The following DST variants were observed in gnomAD, a reference collection of about 807,000 sequenced individuals.
The protein encoded by DST is bullous pemphigoid antigen.
Under a neutral mutation model 875.2 loss-of-function variants are expected in DST, and 253 were observed. That is an observed-to-expected ratio of 0.29 (90% CI 0.26 to 0.32). DST has a LOEUF of 0.32. DST is among the 10% of genes least tolerant of loss of function. The pLI, the probability that DST is intolerant of heterozygous loss-of-function variation, is 1.00. For synonymous variants in DST, 3,124 were observed against 3,197.1 expected (o/e 0.98, Z 0.77); for missense variants, 8,287 against 9,111.6 (o/e 0.91, Z 3.68).
chr6:56,927,198 T>C (rs1206387272), intron 2 of DST, among the ~76,000 whole-genome samples: 1 of 152,196 alleles, frequency 6.6e-6, no homozygotes, highest in African/African-American at 2.4e-5. Context: ...TATCTATTAG[T>C]CATTTCTGGA....
At position 56,604,604 on chromosome 6, in the gene DST, C is replaced by A. The variant is rs375945262; in HGVS notation, c.10024G>T (p.Val3342Phe). 52 of 1,611,862 alleles carry A rather than the reference C, an allele frequency of 3.2e-5. No homozygotes were observed. The highest frequency in any genetic ancestry group is 4.2e-5 in the Non-Finnish European group (50 of 1,179,028). Residue 3342 changes from valine (V) to phenylalanine (F), a missense_variant, in exon 40 of 104, where the codon GTT becomes TTT. Coordinates refer to ENST00000680361, the MANE Select transcript of DST (RefSeq NM_001374736.1). Reference sequence around the variant, plus strand: ...ACCTGAGACAATTCAGGAATCTGAACCTCCTTTTCTTGGGATCTTGGAGAC... The same window carrying A: ...ACCTGAGACAATTCAGGAATCTGAAACTCCTTTTCTTGGGATCTTGGAGAC... The part of the protein sequence containing the change: ...ALSPRSQEKE[V>F]QIPELSQVFV...
intron 73 of DST, among the ~76,000 whole-genome samples, chr6:56,510,783 T>C (rs2152476191): frequency 6.6e-6 from 1 of 152,338 alleles, no homozygotes; most frequent in African/African-American, 2.4e-5. Flanking sequence ...AAACCATCAA[T>C]ATCCAACTTT....
Position 56,650,949 on chromosome 6 carries a change from C to A in DST, c.1411G>T (p.Gly471Cys). Residue 471 changes from glycine to cysteine, a missense_variant, in exon 12 of 104, where the codon GGT becomes TGT. Gly to Cys is a radical substitution (Grantham distance 159). Transcript: ENST00000680361. Reference sequence around the variant, plus strand: ...ACATTTGCACCAATGCCTTCCCCACCTTCAGGGACTTTAGGAAATGCATCA... The same window carrying A: ...ACATTTGCACCAATGCCTTCCCCACATTCAGGGACTTTAGGAAATGCATCA... ...LYDAFPKVPE[G>C]GEGIGANDVE... 6.2e-7 allele frequency: 1 copy of A among 1,612,896 alleles called. No homozygotes were observed. Among genetic ancestry groups the A allele is most frequent in the Middle Eastern group, 1.7e-4 (1 of 6,048 alleles).
At chr6:56,849,196 G>A (rs1201375791) in intron 4 of DST, among the ~76,000 whole-genome samples, 1 of 141,760 alleles carries the variant, frequency 7.1e-6, no homozygotes, top group Non-Finnish European at 1.5e-5. Flanking sequence ...GAGTGCAGTG[G>A]CAAGATCTCA....
intron 72 of DST, among the ~76,000 whole-genome samples, chr6:56,511,969 C>A (rs866144691): frequency 6.6e-6 from 1 of 151,670 alleles, no homozygotes; most frequent in South Asian, 2.1e-4. Flanking sequence ...TGATGTAAGC[C>A]CACAAGGCAT....
At chr6:56,901,469 C>T (rs1047023872) in intron 2 of DST, among the ~76,000 whole-genome samples, 1 of 152,198 alleles carries the variant, frequency 6.6e-6, no homozygotes, top group East Asian at 1.9e-4. Context: ...CTGGTGGACG[C>T]CAGTAATCCC....
In DST at chr6:56,650,917, A is replaced by G. The variant is rs369344024; in HGVS notation, c.1434+9T>C. The G allele has an allele frequency of 6.4e-7, 1 of 1,565,292 alleles. No individual in the cohort carries two copies. Among genetic ancestry groups the G allele is most frequent in the Non-Finnish European group, 8.8e-7 (1 of 1,140,492 alleles). ...CAACAGCTTCCGGTGTGGAAAAATCAATACTCACATTTGCACCAATGCCTT... is the reference window on the plus strand; with the variant it reads ...CAACAGCTTCCGGTGTGGAAAAATCGATACTCACATTTGCACCAATGCCTT... On this transcript the variant is annotated intron_variant, in intron 12 of 103. Transcript: ENST00000680361.
At chr6:56,916,796 A>T (rs979841026) in intron 2 of DST, among the ~76,000 whole-genome samples, 11 of 145,864 alleles carry the variant, frequency 7.5e-5, no homozygotes, top group African/African-American at 2.1e-4. Flanking sequence ...ACACACACAC[A>T]CACACACACA....
intron 3 of DST, among the ~76,000 whole-genome samples, chr6:56,884,238 T>C (rs1783582851): frequency 6.6e-6 from 1 of 152,214 alleles, no homozygotes; most frequent in Admixed American, 6.5e-5. Flanking sequence ...GGTAGGTCTT[T>C]TAAGTCTCTT....
chr6:56,629,195 T>C (rs1378048275), intron 32 of DST, 55 bp downstream of exon 32: 1 of 1,566,932 alleles, frequency 6.4e-7, no homozygotes, highest in Non-Finnish European at 8.8e-7. Flanking sequence ...TTTTACTCAT[T>C]TACCATAGAT....
intron 3 of DST, among the ~76,000 whole-genome samples, chr6:56,883,204 A>T (rs1395880020): frequency 1.3e-5 from 2 of 152,210 alleles, no homozygotes; most frequent in Admixed American, 1.3e-4. Context: ...TTCAATGATG[A>T]TTCTAGTCTC....
chr6:56,842,415 A>C (rs1012092975), intron 4 of DST, among the ~76,000 whole-genome samples: 9 of 152,226 alleles, frequency 5.9e-5, no homozygotes, highest in African/African-American at 2.2e-4. Context: ...AAGTCCAAGT[A>C]AACATTATAC....
chr6:56,864,662 T>A (rs1320263489), intron 3 of DST, among the ~76,000 whole-genome samples: 1 of 152,184 alleles, frequency 6.6e-6, no homozygotes, highest in East Asian at 1.9e-4. Context: ...GATATTAGTA[T>A]TAAAATGAAA....
chr6:56,695,519 T>G (rs2099258790), intron 9 of DST, among the ~76,000 whole-genome samples: 1 of 152,150 alleles, frequency 6.6e-6, no homozygotes, highest in South Asian at 2.1e-4. Context: ...TCAAAGCCTA[T>G]CTCTAGTATC....
chr6:56,534,058 T>G (rs1334531302), intron 63 of DST, among the ~76,000 whole-genome samples: 1 of 152,220 alleles, frequency 6.6e-6, no homozygotes, highest in Admixed American at 6.5e-5. Context: ...CACCTACTCA[T>G]CATTTTTTTG....
In DST at chr6:56,920,980, G is replaced by T. The variant is rs4320372; in HGVS notation, c.217-20359C>A. 9.9e-3 allele frequency among the ~76,000 whole-genome samples: 1,336 copies of T among 134,994 alleles called. 9 individuals carry two copies. The highest frequency in any genetic ancestry group is 0.037 in the Middle Eastern group (8 of 214). The allele number at this position is 134,994 out of a possible 152,430, so 88.6% of individuals were successfully genotyped here. On this transcript the variant is annotated intron_variant, in intron 2 of 103. Coordinates refer to ENST00000680361, the MANE Select transcript of DST (RefSeq NM_001374736.1). ...GTTGATCTGGAACTCCTAGGCTCAAGAGATCTTCCCACCTTGACCTCCCAA... is the reference window on the plus strand; with the variant it reads ...GTTGATCTGGAACTCCTAGGCTCAATAGATCTTCCCACCTTGACCTCCCAA...
At chr6:56,700,265 C>A (rs1025421787) in intron 8 of DST, among the ~76,000 whole-genome samples, 1 of 152,184 alleles carries the variant, frequency 6.6e-6, no homozygotes, top group Non-Finnish European at 1.5e-5. Flanking sequence ...GAAAAATAGT[C>A]TTCCATGAAA....
intron 35 of DST, 68 bp from the exon 36 acceptor site, chr6:56,624,696 G>T: frequency 9.5e-7 from 1 of 1,051,378 alleles, no homozygotes. Context: ...AATGAATTTT[G>T]AATAATAATT....
At chr6:56,644,924 C>T (rs1417449393) in intron 15 of DST, among the ~76,000 whole-genome samples, 1 of 152,130 alleles carries the variant, frequency 6.6e-6, no homozygotes, top group Admixed American at 6.6e-5. Context: ...GGGGCGATTT[C>T]CCCCATACTG....
Sources: gnomAD v4.1 joint callset for allele counts (sites outside exome capture counted in the v4.1 genomes callset) on GRCh38, gnomAD v4.1.1 for gene constraint, MANE v1.5 for transcripts, NCBI Gene and HGNC (gene_info 2026-07-23, HGNC 2026-07-21) for gene names.